Variants in CLASP1 observed in about 807,000 individuals in gnomAD.
The protein encoded by CLASP1 is cytoplasmic linker associated protein 1.
Under a neutral mutation model 192.3 loss-of-function variants are expected in CLASP1, and 38 were observed. That is an observed-to-expected ratio of 0.20 (90% confidence interval 0.15 to 0.26). The LOEUF (loss-of-function observed/expected upper bound fraction) is 0.26. Ranked by LOEUF, CLASP1 falls within the 10% of genes least tolerant of loss-of-function variation. CLASP1 has a pLI of 1.00. For synonymous variants in CLASP1, 691 were observed against 712.8 expected, an observed-to-expected ratio of 0.97 and a Z score of 0.49; for missense variants, 1,433 against 1,932.5, an observed-to-expected ratio of 0.74 and a Z score of 4.85.
intron 2 of CLASP1, among the ~76,000 whole-genome samples, chr2:121,573,267 C>T (rs192169659): frequency 4.9e-4 from 74 of 152,272 alleles, no homozygotes; most frequent in African/African-American, 1.8e-3. Context: ...GCTGAAAACA[C>T]AGTTTTCTAA....
At chr2:121,644,582 G>A (rs2072787755) in intron 1 of CLASP1, among the ~76,000 whole-genome samples, 1 of 152,072 alleles carries the variant, frequency 6.6e-6, no homozygotes, top group Admixed American at 6.6e-5. Flanking sequence ...TTGAACCTGG[G>A]AGATGGAGGC....
chr2:121,472,111 A>G (rs1182261870), intron 8 of CLASP1, among the ~76,000 whole-genome samples: 1 of 152,204 alleles, frequency 6.6e-6, no homozygotes, highest in Non-Finnish European at 1.5e-5. Context: ...TGGGACAGGT[A>G]AAAAATAAAT....
intron 30 of CLASP1, among the ~76,000 whole-genome samples, chr2:121,394,937 AT>A (rs940329636): frequency 6.6e-6 from 1 of 152,090 alleles, no homozygotes; most frequent in African/African-American, 2.4e-5. Context: ...CAGATGTGTA[AT>A]TTTTTTTGTC....
At chr2:121,408,790 G>C (rs1476349676) in intron 24 of CLASP1, among the ~76,000 whole-genome samples, 1 of 152,160 alleles carries the variant, frequency 6.6e-6, no homozygotes, top group East Asian at 1.9e-4. Flanking sequence ...ACTACTAGGC[G>C]AAGGAGCAGA....
chr2:121,401,504 C>T lies in CLASP1; in HGVS notation c.2900+5G>A. The T allele has an allele frequency of 6.2e-7, 1 of 1,606,638 alleles. No homozygotes were observed. Among genetic ancestry groups the T allele is most frequent in the Non-Finnish European group, 8.5e-7 (1 of 1,177,466 alleles). ...TCAAAATGGACCTAACCCTTAAACA[C>T]TTACCTTGTGACATCTAGAGCCTTT... On this transcript the variant is annotated splice_donor_5th_base_variant and intron_variant, in intron 28 of 39. Coordinates refer to ENST00000263710, the Ensembl canonical transcript of CLASP1.
intron 37 of CLASP1, among the ~76,000 whole-genome samples, chr2:121,357,313 A>G (rs1202613353): frequency 6.6e-6 from 1 of 152,192 alleles, no homozygotes; most frequent in Non-Finnish European, 1.5e-5. Context: ...CTTCAATGGA[A>G]GAGTATAAAA....
At chr2:121,449,860 G>A (rs1332151628) in intron 16 of CLASP1, among the ~76,000 whole-genome samples, 5 of 152,116 alleles carry the variant, frequency 3.3e-5, no homozygotes, top group East Asian at 1.9e-4. Flanking sequence ...AAGTAAAACC[G>A]TAACGTTGCA....
At chr2:121,474,416 A>C (rs1281694649) in intron 8 of CLASP1, among the ~76,000 whole-genome samples, 4 of 152,198 alleles carry the variant, frequency 2.6e-5, no homozygotes, top group African/African-American at 7.2e-5. Context: ...TTCATCACCA[A>C]CACCTGTATG....
chr2:121,399,493 G>C (rs2075825723), intron 28 of CLASP1, among the ~76,000 whole-genome samples: 1 of 152,068 alleles, frequency 6.6e-6, no homozygotes, highest in South Asian at 2.1e-4. Flanking sequence ...GCCATTGTTA[G>C]GCACAGGTAA....
chr2:121,508,513 C>T (rs2094011987), intron 7 of CLASP1, among the ~76,000 whole-genome samples: 1 of 152,066 alleles, frequency 6.6e-6, no homozygotes, highest in African/African-American at 2.4e-5. Context: ...CTTGCCAGTA[C>T]TACATTAAAT....
intron 1 of CLASP1, among the ~76,000 whole-genome samples, chr2:121,631,380 T>C (rs1016815913): frequency 6.8e-6 from 1 of 147,836 alleles, no homozygotes. Context: ...TTCCGCCTCC[T>C]AGATTCAAGC....
chr2:121,530,138 G>T, intron 3 of CLASP1, 109 bp downstream of exon 3: 1 of 867,978 alleles, frequency 1.2e-6, no homozygotes, highest in Non-Finnish European at 1.8e-6. Context: ...GGGAGAGGGG[G>T]CTGGAGGGGA....
chr2:121,490,236 T>TTA (rs2093226677), intron 8 of CLASP1: 2 of 435,544 alleles, frequency 4.6e-6, no homozygotes, highest in Non-Finnish European at 9.1e-6. Context: ...GCAGCAATAA[T>TTA]TATAAACACT....
At chr2:121,403,742 C>T (rs748397631) in intron 26 of CLASP1, 2 of 467,134 alleles carry the variant, frequency 4.3e-6, no homozygotes, top group African/African-American at 2.0e-5. Flanking sequence ...AGTGTTCTGT[C>T]CCATACTCAT....
At chr2:121,451,022 C>T in intron 15 of CLASP1, 32 bp from the exon 16 acceptor site, 2 of 1,383,108 alleles carry the variant, frequency 1.4e-6, no homozygotes, top group Non-Finnish European at 1.0e-6. Flanking sequence ...CAGTAACAAT[C>T]ATAAATGTAT....
chr2:121,571,185 T>C (rs2059939421), intron 2 of CLASP1, among the ~76,000 whole-genome samples: 1 of 152,054 alleles, frequency 6.6e-6, no homozygotes, highest in Non-Finnish European at 1.5e-5. Context: ...GTTTTTGGTT[T>C]TTTTCTTTTG....
At position 121,365,280 on chromosome 2, in the gene CLASP1, G is replaced by A. The variant is rs371691960; in HGVS notation, c.3891C>T (p.Pro1297=). ...CAGCCACCAGGTCAGAATGGTCGAT[G>A]GGCACTGGTGAAACACACCAGACAT... The change falls in exon 36 of 40, where the codon CCC becomes CCT. Residue 1297 remains proline (P), a synonymous_variant. Coordinates refer to ENST00000263710, the Ensembl canonical transcript of CLASP1. The A allele has an allele frequency of 3.1e-6, 5 of 1,611,712 alleles. No homozygotes were observed. The African/African-American group carries it at 6.7e-5, about 22-fold the overall frequency.
At chr2:121,587,117 T>C (rs2061804406) in intron 2 of CLASP1, among the ~76,000 whole-genome samples, 1 of 152,156 alleles carries the variant, frequency 6.6e-6, no homozygotes, top group South Asian at 2.1e-4. Flanking sequence ...GGTGCGAGCC[T>C]GTAGTCCCAG....
At chr2:121,563,609 C>A (rs760328976) in intron 2 of CLASP1, among the ~76,000 whole-genome samples, 2 of 152,126 alleles carry the variant, frequency 1.3e-5, no homozygotes, top group African/African-American at 2.4e-5. Flanking sequence ...GCTTTAATTT[C>A]TTTTAACTTC....
Sources: gnomAD v4.1 joint callset for allele counts (sites outside exome capture counted in the v4.1 genomes callset) on GRCh38, gnomAD v4.1.1 for gene constraint, MANE v1.5 for transcripts, NCBI Gene and HGNC (gene_info 2026-07-23, HGNC 2026-07-21) for gene names.